Variants in IGF2BP1 observed in about 807,000 individuals in gnomAD.
IGF2BP1 encodes the protein insulin like growth factor 2 mRNA binding protein 1, also known as insulin-like growth factor 2 mRNA-binding protein 1.
A neutral mutation model predicts 74.9 loss-of-function variants in IGF2BP1; 11 were observed. The observed-to-expected ratio is 0.15, with a 90% CI of 0.09 to 0.24. The LOEUF (loss-of-function observed/expected upper bound fraction) is 0.24, where lower values mean the gene tolerates loss of function less well. IGF2BP1 is among the 10% of genes least tolerant of loss of function. The pLI is 1.00. For missense variants in IGF2BP1, 440 were observed against 757.4 expected (o/e 0.58, Z 4.92); for synonymous variants, 287 against 281.8 (o/e 1.02, Z -0.18).
At chr17:49,045,112 T>C in intron 12 of IGF2BP1, 47 bp downstream of exon 12, 1 of 1,546,434 alleles carries the variant, frequency 6.5e-7, no homozygotes, top group South Asian at 1.1e-5. Context: ...GGAATTGAGG[T>C]TGGGTATTTC....
At chr17:49,025,313 AGTGTGTGTGTGTGTGTGTGTGT>A (rs369153046) in intron 2 of IGF2BP1, among the ~76,000 whole-genome samples, 2 of 133,554 alleles carry the variant, frequency 1.5e-5, no homozygotes, top group Non-Finnish European at 3.2e-5. Context: ...GGACAAACAA[AGTGTGTGTGTGTGTGTGTGTGT>A]GTGTGTGTGT....
intron 2 of IGF2BP1, among the ~76,000 whole-genome samples, chr17:49,006,654 G>T (rs572678870): frequency 6.6e-6 from 1 of 152,334 alleles, no homozygotes; most frequent in African/African-American, 2.4e-5. Context: ...GTCCATGAGA[G>T]GTTGTCTTTG....
intron 6 of IGF2BP1, 99 bp downstream of exon 6, chr17:49,038,548 A>G: frequency 8.3e-7 from 1 of 1,207,554 alleles, no homozygotes; most frequent in Non-Finnish European, 1.1e-6. Context: ...ATCAACATTT[A>G]CCTTTTAGGA....
intron 2 of IGF2BP1, among the ~76,000 whole-genome samples, chr17:49,018,316 GGTGT>G (rs1007558094): frequency 1.1e-4 from 16 of 152,322 alleles, no homozygotes; most frequent in African/African-American, 3.6e-4. Context: ...ACGTGAGCAT[GGTGT>G]GTGTGTTTTT....
chr17:49,046,857 C>T (rs1048404410), intron 14 of IGF2BP1, among the ~76,000 whole-genome samples: 2 of 152,124 alleles, frequency 1.3e-5, no homozygotes, highest in Non-Finnish European at 2.9e-5. Context: ...CTTCCACCCT[C>T]CCATTCCTTT....
chr17:49,011,691 A>C (rs1358981124), intron 2 of IGF2BP1, among the ~76,000 whole-genome samples: 2 of 151,758 alleles, frequency 1.3e-5, no homozygotes, highest in Non-Finnish European at 2.9e-5. Context: ...CCTGTTCCAA[A>C]AAAAAAAAAA....
chr17:49,044,224 GA>G, intron 11 of IGF2BP1, 138 bp downstream of exon 11: 1 of 1,262,020 alleles, frequency 7.9e-7, no homozygotes, highest in Non-Finnish European at 1.1e-6. Flanking sequence ...CCATGGAATC[GA>G]AGTCCTCTTT....
At chr17:48,999,673 T>C (rs1277685997) in intron 2 of IGF2BP1, among the ~76,000 whole-genome samples, 1 of 151,946 alleles carries the variant, frequency 6.6e-6, no homozygotes, top group African/African-American at 2.4e-5. Flanking sequence ...TGTACTTTAT[T>C]TATATTTCTA....
At chr17:49,008,333 G>T (rs781361184) in intron 2 of IGF2BP1, among the ~76,000 whole-genome samples, 1 of 152,092 alleles carries the variant, frequency 6.6e-6, no homozygotes, top group Non-Finnish European at 1.5e-5. Flanking sequence ...TCTTGTTAAG[G>T]GTCTTCCTAC....
At chr17:48,998,173 C>A (rs2041432290) in intron 1 of IGF2BP1, among the ~76,000 whole-genome samples, 1 of 152,166 alleles carries the variant, frequency 6.6e-6, no homozygotes, top group South Asian at 2.1e-4. Flanking sequence ...TTCCCCCATC[C>A]TTCCTCCCCA....
At chr17:49,042,807 C>T (rs2042067062) in intron 9 of IGF2BP1, among the ~76,000 whole-genome samples, 1 of 151,930 alleles carries the variant, frequency 6.6e-6, no homozygotes, top group African/African-American at 2.4e-5. Flanking sequence ...CTCCCAAGTA[C>T]CTAGGAGACT....
intron 2 of IGF2BP1, among the ~76,000 whole-genome samples, chr17:49,021,516 C>G (rs896720271): frequency 2.6e-5 from 4 of 152,152 alleles, no homozygotes; most frequent in Admixed American, 6.5e-5. Context: ...GCCCCCGTCC[C>G]CACGTGCCCC....
intron 7 of IGF2BP1, among the ~76,000 whole-genome samples, chr17:49,041,149 A>T (rs2042047834): frequency 6.6e-6 from 1 of 152,250 alleles, no homozygotes; most frequent in African/African-American, 2.4e-5. Flanking sequence ...ACTGCATTCC[A>T]GCCTGGGTGA....
intron 1 of IGF2BP1, 91 bp from the exon 2 acceptor site, chr17:48,999,018 C>T: frequency 1.3e-6 from 1 of 773,216 alleles, no homozygotes; most frequent in Non-Finnish European, 2.2e-6. Context: ...CCCAGTAACT[C>T]CTGAATTATC....
intron 1 of IGF2BP1, among the ~76,000 whole-genome samples, chr17:48,998,371 G>T (rs1339811494): frequency 1.3e-5 from 2 of 152,218 alleles, no homozygotes; most frequent in Non-Finnish European, 2.9e-5. Flanking sequence ...GGGGTACCCG[G>T]ACCGCCTGCG....
chr17:48,998,058 AC>A, intron 1 of IGF2BP1, 138 bp downstream of exon 1: 1 of 820,572 alleles, frequency 1.2e-6, no homozygotes, highest in Non-Finnish European at 1.8e-6. Flanking sequence ...CCCTCGACCT[AC>A]CCCCTTCGAT....
At chr17:49,035,499 G>A (rs2041975989) in intron 5 of IGF2BP1, among the ~76,000 whole-genome samples, 3 of 152,222 alleles carry the variant, frequency 2.0e-5, no homozygotes, top group Non-Finnish European at 2.9e-5. Context: ...GGGCAGATGC[G>A]GATGCGAGGT....
intron 2 of IGF2BP1, among the ~76,000 whole-genome samples, chr17:49,005,062 G>A (rs543344687): frequency 6.6e-6 from 1 of 152,122 alleles, no homozygotes; most frequent in Non-Finnish European, 1.5e-5. Context: ...TGGATAGAAG[G>A]GGGGTCATCC....
chr17:49,011,703 G>T (rs1364338370), intron 2 of IGF2BP1, among the ~76,000 whole-genome samples: 2 of 151,100 alleles, frequency 1.3e-5, no homozygotes, highest in East Asian at 1.9e-4. Flanking sequence ...AAAAAAAAAC[G>T]TTGGGAACAG....
Sources: gnomAD v4.1 joint callset for allele counts (sites outside exome capture counted in the v4.1 genomes callset) on GRCh38, gnomAD v4.1.1 for gene constraint, MANE v1.5 for transcripts, NCBI Gene and HGNC (gene_info 2026-07-23, HGNC 2026-07-21) for gene names.